CD84: variants seen among roughly 807,000 people sequenced by gnomAD.
CD84 encodes the protein SLAM family member 5.
CD84 carries 22 observed loss-of-function variants against 33.8 expected under a neutral mutation model. The ratio of observed to expected loss-of-function variants is 0.65; its 90% confidence interval spans 0.46 to 0.93. CD84 has a LOEUF of 0.93. CD84 is among the 40% of genes least tolerant of loss of function. The pLI, the probability that CD84 is intolerant of heterozygous loss-of-function variation, is 0.00. For missense variants in CD84, 400 were observed against 397.6 expected (o/e 1.01, Z -0.05); for synonymous variants, 154 against 145.2 (o/e 1.06, Z -0.44).
intron 2 of CD84, among the ~76,000 whole-genome samples, chr1:160,562,933 A>G (rs1186148759): frequency 6.6e-6 from 1 of 152,204 alleles, no homozygotes; most frequent in Non-Finnish European, 1.5e-5. Context: ...GGCAAAAACC[A>G]TGAACAGACA....
At chr1:160,564,936 A>C (rs1437650771) in intron 2 of CD84, among the ~76,000 whole-genome samples, 1 of 152,214 alleles carries the variant, frequency 6.6e-6, no homozygotes, top group Non-Finnish European at 1.5e-5. Flanking sequence ...AGCTCTATAG[A>C]TTGTGCTAAT....
Position 160,542,181 on chromosome 1 carries a change from CTT to C in CD84, c.*6073_*6074del, listed in dbSNP as rs1655575780. ...AGCTACTGTGATTCAGCCTTAAAGA[CTT>C]CACCTTTCTGTGACCCAGTTTCCTA... On this transcript the variant is annotated 3_prime_UTR_variant, in exon 7 of 7. Coordinates refer to ENST00000368054, the MANE Select transcript of CD84 (RefSeq NM_003874.4). 1 of 152,238 alleles carries C rather than the reference CTT, an allele frequency of 6.6e-6. No individual in the cohort carries two copies. Among genetic ancestry groups the C allele is most frequent in the Admixed American group, 6.5e-5 (1 of 15,292 alleles). 9.4% of individuals were successfully genotyped at this position (152,238 alleles called of 1,614,324 possible). A position where few individuals can be genotyped will look rare whatever the true frequency, so the allele number is the denominator to read the frequency against.
intron 1 of CD84, 127 bp from the exon 2 acceptor site, chr1:160,565,872 C>CTTT (rs10629263): frequency 4.1e-5 from 24 of 587,278 alleles, no homozygotes; most frequent in African/African-American, 3.6e-4. Context: ...TTGAGGATGC[C>CTTT]TTTTTTTTTT....
chr1:160,575,197 G>A (rs779510747), intron 1 of CD84, among the ~76,000 whole-genome samples: 3 of 152,002 alleles, frequency 2.0e-5, no homozygotes, highest in African/African-American at 7.3e-5. Flanking sequence ...GTGGAACATC[G>A]CTGAGTATTG....
At position 160,550,138 on chromosome 1, in the gene CD84, C is replaced by G. The variant is rs557141328; in HGVS notation, c.859-159G>C. Among the ~76,000 whole-genome samples, 8 of 151,824 alleles carry G rather than the reference C, an allele frequency of 5.3e-5. No homozygotes were observed. The East Asian group carries it at 9.7e-4, about 18-fold the overall frequency. ...CTGCCTCCATCCAACTCTGGAGAGG[C>G]TTAGGATCAGGAAGGGATAAGGTGG... is the stretch of plus-strand genomic sequence containing the variant. On this transcript the variant is annotated intron_variant, in intron 5 of 6. Transcript: ENST00000368054.
chr1:160,562,117 AG>A (rs2102169697), intron 2 of CD84, among the ~76,000 whole-genome samples: 1 of 152,366 alleles, frequency 6.6e-6, no homozygotes, highest in African/African-American at 2.4e-5. Flanking sequence ...GCTCATGGAT[AG>A]GAAGAATCAA....
intron 1 of CD84, among the ~76,000 whole-genome samples, chr1:160,579,156 T>C (rs1658147426): frequency 6.6e-6 from 1 of 152,074 alleles, no homozygotes; most frequent in Non-Finnish European, 1.5e-5. Flanking sequence ...GAAACTGAGA[T>C]CTCCAGATCT....
intron 4 of CD84, chr1:160,553,075 C>T: frequency 1.8e-6 from 1 of 567,058 alleles, no homozygotes; most frequent in Non-Finnish European, 3.2e-6. Context: ...ATGTGAGGGC[C>T]CTGAGCTGGA....
At position 160,579,372 on chromosome 1, in the gene CD84, C is replaced by T. The variant is rs780440772; in HGVS notation, c.46+20G>A. The T allele has an allele frequency of 1.2e-6, 2 of 1,612,994 alleles. No homozygotes were observed. The highest frequency in any genetic ancestry group is 2.2e-5 in the South Asian group (2 of 91,038). Reference sequence around the variant, plus strand: ...ACTTTATGGAAAACTAGGAGGCGATCAGCAAGGGTCAGAACTCACAGGTTT... The same window carrying T: ...ACTTTATGGAAAACTAGGAGGCGATTAGCAAGGGTCAGAACTCACAGGTTT... On this transcript the variant is annotated intron_variant, in intron 1 of 6. Coordinates refer to ENST00000368054, the MANE Select transcript of CD84 (RefSeq NM_003874.4).
At chr1:160,574,835 G>T (rs1454728236) in intron 1 of CD84, among the ~76,000 whole-genome samples, 1 of 151,996 alleles carries the variant, frequency 6.6e-6, no homozygotes, top group Non-Finnish European at 1.5e-5. Flanking sequence ...ATATTATGAG[G>T]GTTAAATGAA....
intron 5 of CD84, chr1:160,550,694 C>A: frequency 1.0e-5 from 10 of 985,380 alleles, no homozygotes; most frequent in Non-Finnish European, 1.2e-5. Flanking sequence ...TGGAGCCGGG[C>A]CCACTGTGGG....
chr1:160,554,953 CTG>C, intron 2 of CD84, among the ~76,000 whole-genome samples: 1 of 149,474 alleles, frequency 6.7e-6, no homozygotes, highest in Middle Eastern at 3.5e-3. Context: ...ATTAATGAAA[CTG>C]TGTGCTACAC....
chr1:160,548,563 G>A (rs1571343597), intron 6 of CD84, among the ~76,000 whole-genome samples: 1 of 152,132 alleles, frequency 6.6e-6, no homozygotes, highest in Non-Finnish European at 1.5e-5. Flanking sequence ...AGAGCAATGG[G>A]AGGGAATGGG....
At chr1:160,579,297 A>G in intron 1 of CD84, 95 bp downstream of exon 1, 7 of 1,564,008 alleles carry the variant, frequency 4.5e-6, no homozygotes, top group Non-Finnish European at 5.3e-6. Context: ...GTTCTGCTAA[A>G]CACAGATCAA....
chr1:160,571,372 G>C (rs1037612983), intron 1 of CD84: 1 of 152,112 alleles, frequency 6.6e-6, no homozygotes, highest in Non-Finnish European at 1.5e-5. Context: ...ATATCACAGA[G>C]AGGAGAAAGA....
At chr1:160,571,717 G>A (rs150151856) in intron 1 of CD84, among the ~76,000 whole-genome samples, 220 of 152,204 alleles carry the variant, frequency 1.4e-3, no homozygotes, top group African/African-American at 5.1e-3. Flanking sequence ...GTCCCCAGTG[G>A]GCCTGCTCTA....
intron 1 of CD84, among the ~76,000 whole-genome samples, chr1:160,574,415 A>G (rs980877235): frequency 1.3e-5 from 2 of 152,192 alleles, no homozygotes; most frequent in African/African-American, 4.8e-5. Context: ...ATTAGGAAAC[A>G]TGTTTGAGTC....
chr1:160,556,645 T>A (rs1351876810), intron 2 of CD84, among the ~76,000 whole-genome samples: 1 of 152,246 alleles, frequency 6.6e-6, no homozygotes, highest in Non-Finnish European at 1.5e-5. Context: ...TATATATTTT[T>A]AAAATAGATA....
rs1488557964 is a variant in CD84 at position 160,565,706 on chromosome 1, A to G, written c.86T>C (p.Val29Ala). 7 of 1,612,750 alleles carry G rather than the reference A, an allele frequency of 4.3e-6. No homozygotes were observed. The highest frequency in any genetic ancestry group is 5.9e-6 in the Non-Finnish European group (7 of 1,179,436). Residue 29 changes from valine to alanine, a missense_variant, in exon 2 of 7, where the codon GTG (valine) becomes GCG (alanine). Val to Ala is a moderately conservative substitution (Grantham distance 64, BLOSUM62 0). Transcript: ENST00000368054. ...AAGKDSEIFTVNGILGESVTF... is the reference protein window; with the variant it reads ...AAGKDSEIFTANGILGESVTF... ...GACTGACTCTCCCAGAATCCCATTC[A>G]CTGTGAAGATTTCTGAGTCTTTTCC... is the stretch of plus-strand genomic sequence containing the variant.
Sources: allele counts gnomAD v4.1 joint callset (sites outside exome capture counted in the v4.1 genomes callset), GRCh38; gene constraint gnomAD v4.1.1; transcripts MANE v1.5; gene names NCBI Gene and HGNC (gene_info 2026-07-23, HGNC 2026-07-21).